PECAM1: variants seen among roughly 807,000 people sequenced by gnomAD.
The protein encoded by PECAM1 is platelet endothelial cell adhesion molecule.
Under a neutral mutation model 13.8 loss-of-function variants are expected in PECAM1, and 8 were observed. The observed-to-expected ratio is 0.58, with a 90% CI of 0.34 to 1.05. The LOEUF (loss-of-function observed/expected upper bound fraction) is 1.05, where lower values mean the gene tolerates loss of function less well. Among genes scored for constraint, PECAM1 ranks in the 50% least tolerant of loss-of-function variants. PECAM1 has a pLI of 0.03. For synonymous variants in PECAM1, 136 were observed against 52.6 expected (o/e 2.58, Z -6.86); for missense variants, 304 against 141.2 (o/e 2.15, Z -5.84).
chr17:64,323,215 G>T lies in PECAM1; in HGVS notation c.*601C>A, dbSNP rs6808. On this transcript the variant is annotated 3_prime_UTR_variant, in exon 16 of 16. Coordinates refer to ENST00000563924, the MANE Select transcript of PECAM1 (RefSeq NM_000442.5). ...TGTTTTGTGCGTTGCCTGAATGAAC[G>T]GTGTCTTCAGGTTGGTATTTCACAG... The T allele has an allele frequency of 2.9e-5, 29 of 987,526 alleles. No homozygotes were observed. The Admixed American group carries it at 3.0e-4, about 10-fold the overall frequency. 61.2% of individuals were successfully genotyped at this position (987,526 alleles called of 1,614,324 possible).
intron 11 of PECAM1, 61 bp from the exon 12 acceptor site, chr17:64,350,494 T>C (rs2035693290): frequency 2.4e-6 from 1 of 412,440 alleles, no homozygotes; most frequent in East Asian, 3.6e-5. Context: ...CTAAAACCTT[T>C]TAAAAATTCA....
At chr17:64,379,370 C>T (rs2036432540) in intron 2 of PECAM1, among the ~76,000 whole-genome samples, 1 of 152,176 alleles carries the variant, frequency 6.6e-6, no homozygotes, top group South Asian at 2.1e-4. Flanking sequence ...AAATTGGGTG[C>T]TCTCTAGCTA....
chr17:64,382,144 C>T (rs1035006189), intron 2 of PECAM1, among the ~76,000 whole-genome samples: 2 of 152,156 alleles, frequency 1.3e-5, no homozygotes, highest in Admixed American at 1.3e-4. Flanking sequence ...TTTCTCTGCA[C>T]TCCTCAATTA....
In PECAM1 at chr17:64,388,703, C is replaced by T. The variant is rs941234229; in HGVS notation, c.91+1786G>A. 5.4e-3 allele frequency among the ~76,000 whole-genome samples: 824 copies of T among 152,112 alleles called. 2 individuals carry two copies. The highest frequency in any genetic ancestry group is 8.6e-3 in the Non-Finnish European group (583 of 67,984). On this transcript the variant is annotated intron_variant, in intron 2 of 15. Coordinates refer to ENST00000563924, the MANE Select transcript of PECAM1 (RefSeq NM_000442.5). ...TTTTTTCTGAGACAAAGTCCTGCTC[C>T]GTTGCCCAGGCTGGAGTGCAGTGGC...
At chr17:64,385,448 G>C (rs1420074457) in intron 2 of PECAM1, among the ~76,000 whole-genome samples, 1 of 152,054 alleles carries the variant, frequency 6.6e-6, no homozygotes, top group Non-Finnish European at 1.5e-5. Context: ...ACCCTCGTCA[G>C]GAAAATTACT....
Position 64,322,869 on chromosome 17 carries a change from C to T in PECAM1, c.*947G>A. 2 of 319,086 alleles carry T rather than the reference C, an allele frequency of 6.3e-6. No homozygotes were observed. The highest frequency in any genetic ancestry group is 9.1e-6 in the Non-Finnish European group (2 of 220,860). The allele number at this position is 319,086 out of a possible 1,614,324, so 19.8% of individuals were successfully genotyped here. ...TAGCTGATACTACAGGCATGCGCCACCACGCCCGGCTAATTCTTGTATTTT... is the reference window on the plus strand; with the variant it reads ...TAGCTGATACTACAGGCATGCGCCATCACGCCCGGCTAATTCTTGTATTTT... On this transcript the variant is annotated 3_prime_UTR_variant, in exon 16 of 16. Coordinates refer to ENST00000563924, the MANE Select transcript of PECAM1 (RefSeq NM_000442.5).
intron 15 of PECAM1, among the ~76,000 whole-genome samples, chr17:64,328,850 A>T (rs1754302563): frequency 6.6e-6 from 1 of 152,188 alleles, no homozygotes. Flanking sequence ...AAAGGTTGGG[A>T]TTGGAAGACA....
chr17:64,360,086 C>T lies in PECAM1; in HGVS notation c.1492+54G>A, dbSNP rs878982119. 8.0e-4 allele frequency: 382 copies of T among 475,184 alleles called. 1 individual carries two copies. Among genetic ancestry groups the T allele is most frequent in the Middle Eastern group, 1.8e-3 (3 of 1,660 alleles). 29.4% of individuals were successfully genotyped at this position (475,184 alleles called of 1,614,324 possible). A position where few individuals can be genotyped will look rare whatever the true frequency, so the allele number is the denominator to read the frequency against. ...TCTTATTGTTCCCACAGTCCCTGGG[C>T]GTGAAAGAATGCCCCAAGCCCACAT... On this transcript the variant is annotated intron_variant, in intron 7 of 15. Coordinates refer to ENST00000563924, the MANE Select transcript of PECAM1 (RefSeq NM_000442.5).
chr17:64,345,013 T>G (rs2035528380), intron 13 of PECAM1, among the ~76,000 whole-genome samples: 1 of 152,158 alleles, frequency 6.6e-6, no homozygotes, highest in Admixed American at 6.5e-5. Flanking sequence ...TCTCGATACC[T>G]CCTTATTTTT....
intron 5 of PECAM1, among the ~76,000 whole-genome samples, chr17:64,369,172 T>C (rs1388874150): frequency 6.6e-6 from 1 of 152,032 alleles, no homozygotes; most frequent in African/African-American, 2.4e-5. Context: ...CGGCCTCAAG[T>C]GATCTGCCCA....
chr17:64,347,430 C>T (rs2035597034), intron 13 of PECAM1, among the ~76,000 whole-genome samples: 1 of 150,290 alleles, frequency 6.7e-6, no homozygotes, highest in Non-Finnish European at 1.5e-5. Context: ...ACTCGGGAGG[C>T]TGAGGCAGGA....
intron 2 of PECAM1, among the ~76,000 whole-genome samples, chr17:64,381,696 T>C (rs1220246968): frequency 6.6e-6 from 1 of 152,212 alleles, no homozygotes; most frequent in Non-Finnish European, 1.5e-5. Flanking sequence ...ACGGTTTAAA[T>C]TCAAGTCATT....
At chr17:64,342,191 A>G (rs1178033067) in intron 13 of PECAM1, among the ~76,000 whole-genome samples, 5 of 151,754 alleles carry the variant, frequency 3.3e-5, no homozygotes, top group African/African-American at 1.2e-4. Flanking sequence ...TGGTCTAACG[A>G]GCGTCACTCC....
At chr17:64,355,377 A>G (rs2035822785) in intron 8 of PECAM1, among the ~76,000 whole-genome samples, 1 of 152,204 alleles carries the variant, frequency 6.6e-6, no homozygotes, top group Non-Finnish European at 1.5e-5. Flanking sequence ...TGCAGCCTCA[A>G]CTTCCTGGGC....
chr17:64,382,643 G>C (rs1014597980), intron 2 of PECAM1, among the ~76,000 whole-genome samples: 2 of 151,916 alleles, frequency 1.3e-5, no homozygotes, highest in Non-Finnish European at 2.9e-5. Flanking sequence ...GCCTCCCCAA[G>C]TGCTGGGATT....
At chr17:64,334,801 A>G (rs118198581) in intron 14 of PECAM1, among the ~76,000 whole-genome samples, 138,312 of 152,166 alleles carry the variant, frequency 0.91, 63,251 homozygotes, top group East Asian at 1. Flanking sequence ...GCCACTGCGC[A>G]CGGCCCTGGG....
At position 64,369,857 on chromosome 17, in the gene PECAM1, T is replaced by C; in HGVS notation, c.860A>G (p.Lys287Arg). The change falls in exon 5 of 16, where the codon AAG becomes AGG. Residue 287 changes from lysine to arginine, a missense_variant. Physicochemically the swap from Lys to Arg is conservative, Grantham distance 26 (BLOSUM62 2). Transcript: ENST00000563924. ...CATGGCCATGACTGAGTACACAGCC[T>C]TGTTGCCATGTCTGTTGTGGGCCAC... ...AIVAHNRHGN[K>R]AVYSVMAMVE... is the part of the protein sequence containing the mutation. 2.5e-6 allele frequency: 1 copy of C among 398,652 alleles called. No individual in the cohort carries two copies. Among genetic ancestry groups the C allele is most frequent in the Non-Finnish European group, 4.4e-6 (1 of 226,078 alleles). 24.7% of individuals were successfully genotyped at this position (398,652 alleles called of 1,614,324 possible). A position where few individuals can be genotyped will look rare whatever the true frequency, so the allele number is the denominator to read the frequency against.
At chr17:64,374,927 T>C in intron 4 of PECAM1, 124 bp downstream of exon 4, 1 of 411,190 alleles carries the variant, frequency 2.4e-6, no homozygotes. Flanking sequence ...AAATACTGGC[T>C]TAAAATGATT....
chr17:64,337,605 G>A (rs1333406190), intron 14 of PECAM1, among the ~76,000 whole-genome samples: 1 of 151,910 alleles, frequency 6.6e-6, no homozygotes, highest in African/African-American at 2.4e-5. Context: ...CGGGGACTGG[G>A]ATGTCTCCCA....
Sources: gnomAD v4.1 joint callset for allele counts (sites outside exome capture counted in the v4.1 genomes callset) on GRCh38, gnomAD v4.1.1 for gene constraint, MANE v1.5 for transcripts, NCBI Gene and HGNC (gene_info 2026-07-23, HGNC 2026-07-21) for gene names.